Variants in KDM4C observed in about 807,000 individuals in gnomAD.
KDM4C encodes the protein lysine demethylase 4C.
A neutral mutation model predicts 129.3 loss-of-function variants in KDM4C; 81 were observed. The ratio of observed to expected loss-of-function variants is 0.63; its 90% CI spans 0.52 to 0.75. The LOEUF (loss-of-function observed/expected upper bound fraction) is 0.75, where lower values mean the gene tolerates loss of function less well. KDM4C is among the 30% of genes least tolerant of loss of function. The pLI is 0.00. For missense variants in KDM4C, 1,457 were observed against 1,304.0 expected (o/e 1.12, Z -1.81); for synonymous variants, 573 against 456.1 (o/e 1.26, Z -3.26).
At chr9:6,885,858 T>G (rs1845185940) in intron 6 of KDM4C, among the ~76,000 whole-genome samples, 1 of 152,232 alleles carries the variant, frequency 6.6e-6, no homozygotes, top group Non-Finnish European at 1.5e-5. Flanking sequence ...TGTGAAATTC[T>G]TAATATACTG....
At chr9:6,732,049 A>G (rs34561929) in intron 1 of KDM4C, among the ~76,000 whole-genome samples, 13,061 of 151,948 alleles carry the variant, frequency 0.086, 738 homozygotes, top group Non-Finnish European at 0.12. Context: ...CATAAACCAA[A>G]CCACCTAAAA....
Position 6,984,280 on chromosome 9 carries a change from C to T in KDM4C, c.1230C>T (p.Leu410=). The part of the protein sequence containing the change: ...VPNPDSVTDD[L]KVSEKSEAAV... ...ACCCCGACTCAGTCACAGATGACCT[C>T]AAGGTCAGTGAAAAGTCAGAAGCAG... Residue 410 remains leucine (L), a synonymous_variant, in exon 10 of 22, where the codon CTC becomes CTT. Coordinates refer to ENST00000381309, the MANE Select transcript of KDM4C (RefSeq NM_015061.6). The T allele has an allele frequency of 1.9e-6, 3 of 1,613,698 alleles. No homozygotes were observed. In the South Asian group the frequency reaches 3.3e-5, roughly 18 times the overall value.
At chr9:6,793,420 G>A (rs1827123145) in intron 2 of KDM4C, among the ~76,000 whole-genome samples, 1 of 151,892 alleles carries the variant, frequency 6.6e-6, no homozygotes, top group African/African-American at 2.4e-5. Context: ...TTTCAGAGGT[G>A]TGAGAGTATT....
At position 6,986,463 on chromosome 9, in the gene KDM4C, A is replaced by G. The variant is rs756947110; in HGVS notation, c.1474A>G (p.Ser492Gly). The G allele has an allele frequency of 5.6e-6, 9 of 1,614,144 alleles. No homozygotes were observed. In the Admixed American group the frequency reaches 1.5e-4, roughly 27 times the overall value. The part of the protein sequence containing the change: ...SEADDSIPLS[S>G]GYEKPEKSDP... Reference sequence around the variant, plus strand: ...GGCTGATGATTCCATTCCATTGTCTAGTGGCTATGAGAAGCCCGAGAAATC... The same window carrying G: ...GGCTGATGATTCCATTCCATTGTCTGGTGGCTATGAGAAGCCCGAGAAATC... The change falls in exon 11 of 22, where the codon AGT (serine) becomes GGT (glycine). Residue 492 changes from serine to glycine, a missense_variant. Ser to Gly is a moderately conservative substitution (Grantham distance 56, BLOSUM62 0). Coordinates refer to ENST00000381309, the MANE Select transcript of KDM4C (RefSeq NM_015061.6).
At chr9:6,930,130 G>A (rs542113892) in intron 8 of KDM4C, among the ~76,000 whole-genome samples, 3 of 152,208 alleles carry the variant, frequency 2.0e-5, no homozygotes, top group Admixed American at 6.5e-5. Context: ...TATCGCCTAA[G>A]ATTCCCTGCA....
chr9:6,922,994 C>G (rs1169249364), intron 8 of KDM4C, among the ~76,000 whole-genome samples: 1 of 152,210 alleles, frequency 6.6e-6, no homozygotes, highest in Non-Finnish European at 1.5e-5. Flanking sequence ...GGTGATGTCT[C>G]AATAAATCCT....
intron 17 of KDM4C, among the ~76,000 whole-genome samples, chr9:7,058,148 C>T (rs1831127301): frequency 6.6e-6 from 1 of 152,160 alleles, no homozygotes; most frequent in Non-Finnish European, 1.5e-5. Context: ...AGCACAGGGG[C>T]CAGCAGTCAG....
intron 7 of KDM4C, among the ~76,000 whole-genome samples, chr9:6,889,370 A>G (rs562234624): frequency 9.9e-5 from 15 of 152,022 alleles, no homozygotes; most frequent in African/African-American, 3.4e-4. Flanking sequence ...CGCACAAGAT[A>G]TGCTTGCTTT....
At chr9:6,754,880 TAAAAAA>T (rs58382779), upstream of KDM4C, among the ~76,000 whole-genome samples, 11,757 of 83,242 alleles carry the variant, frequency 0.14, 486 homozygotes, top group Middle Eastern at 0.17. Flanking sequence ...TGTCTCAAAG[TAAAAAA>T]AAAAAAAAAA....
chr9:6,878,833 C>T (rs1001511472), intron 5 of KDM4C, among the ~76,000 whole-genome samples: 32 of 151,336 alleles, frequency 2.1e-4, no homozygotes, highest in African/African-American at 7.1e-4. Context: ...ACACCCACAC[C>T]CCTTTTCTGG....
intron 8 of KDM4C, among the ~76,000 whole-genome samples, chr9:6,903,145 G>A (rs1341959107): frequency 6.6e-6 from 1 of 152,006 alleles, no homozygotes; most frequent in Non-Finnish European, 1.5e-5. Flanking sequence ...TTCGTAAAAG[G>A]TATTTTTGTA....
intron 18 of KDM4C, chr9:7,105,271 T>G (rs1389643632): frequency 3.0e-6 from 1 of 331,906 alleles, no homozygotes; most frequent in East Asian, 7.7e-5. Context: ...ACCTCTGAAG[T>G]CAGAGTAGTT....
Position 6,775,058 on chromosome 9 carries a change from C to A in KDM4C, c.-18+16855C>A, listed in dbSNP as rs1022336964. Among the ~76,000 whole-genome samples the A allele has an allele frequency of 3.3e-5, 5 of 152,308 alleles. No homozygotes were observed. The South Asian group carries it at 6.2e-4, about 19-fold the overall frequency. On this transcript the variant is annotated intron_variant, in intron 1 of 21. Transcript: ENST00000381309. The stretch of plus-strand genomic sequence containing the variant: ...TGGAGTCTCTCTCTGTTGCCCAGGT[C>A]AGAGTGCAAGTGCAGTGGCACAATC...
At chr9:6,726,000 C>G (rs1817115363) in intron 1 of KDM4C, among the ~76,000 whole-genome samples, 1 of 151,568 alleles carries the variant, frequency 6.6e-6, no homozygotes, top group Non-Finnish European at 1.5e-5. Context: ...GATCTCGGCT[C>G]ACTGCAACCT....
intron 12 of KDM4C, among the ~76,000 whole-genome samples, chr9:7,005,144 C>A (rs1001835025): frequency 2.0e-5 from 3 of 152,034 alleles, no homozygotes; most frequent in African/African-American, 7.2e-5. Flanking sequence ...GCATTAAGAC[C>A]CCATGAGTAG....
At chr9:6,853,322 C>CAA (rs57658011) in intron 5 of KDM4C, among the ~76,000 whole-genome samples, 1 of 141,358 alleles carries the variant, frequency 7.1e-6, no homozygotes, top group Non-Finnish European at 1.6e-5. Context: ...ACTGTTTCTA[C>CAA]AAAAAAAAAA....
intron 2 of KDM4C, among the ~76,000 whole-genome samples, chr9:6,800,918 G>A (rs913092036): frequency 6.6e-6 from 1 of 152,204 alleles, no homozygotes; most frequent in Non-Finnish European, 1.5e-5. Flanking sequence ...GTGAGCCACC[G>A]TTCCTGGACA....
chr9:7,060,223 T>TG (rs896948281), intron 17 of KDM4C, among the ~76,000 whole-genome samples: 2 of 151,640 alleles, frequency 1.3e-5, no homozygotes, highest in African/African-American at 2.4e-5. Flanking sequence ...ATGTTTTTTT[T>TG]TTTTTCTTCT....
intron 4 of KDM4C, among the ~76,000 whole-genome samples, chr9:6,834,109 G>A (rs1336778406): frequency 6.9e-6 from 1 of 145,414 alleles, no homozygotes; most frequent in East Asian, 2.1e-4. Context: ...TGCAATCTTG[G>A]CTCACTGCAA....
Sources: allele counts gnomAD v4.1 joint callset (sites outside exome capture counted in the v4.1 genomes callset), GRCh38; gene constraint gnomAD v4.1.1; transcripts MANE v1.5; gene names NCBI Gene and HGNC (gene_info 2026-07-23, HGNC 2026-07-21).